The following IRAG1 variants were observed in gnomAD, a reference collection of about 807,000 sequenced individuals.
IRAG1 encodes the protein inositol 1,4,5-triphosphate receptor associated 1.
In IRAG1, 62 loss-of-function variants were observed where a neutral mutation model predicts 106.2. The observed-to-expected ratio is 0.58, with a 90% CI of 0.48 to 0.72. The LOEUF is 0.72. Among genes scored for constraint, IRAG1 ranks in the 30% least tolerant of loss-of-function variants. The pLI, the probability that IRAG1 is intolerant of heterozygous loss-of-function variation, is 0.00. For synonymous variants in IRAG1, 462 were observed against 443.9 expected (o/e 1.04, Z -0.51); for missense variants, 1,064 against 1,140.7 (o/e 0.93, Z 0.97).
chr11:10,630,940 G>T (rs1177366789), intron 4 of IRAG1, among the ~76,000 whole-genome samples: 1 of 152,332 alleles, frequency 6.6e-6, no homozygotes, highest in African/African-American at 2.4e-5. Flanking sequence ...ACAGGGATTG[G>T]CTCGGGGATG....
At chr11:10,640,480 G>T (rs756536210) in intron 2 of IRAG1, among the ~76,000 whole-genome samples, 1 of 152,184 alleles carries the variant, frequency 6.6e-6, no homozygotes, top group Non-Finnish European at 1.5e-5. Context: ...TGACAGAATC[G>T]TTGAGCAAGC....
Position 10,604,667 on chromosome 11 carries a change from A to G in IRAG1, c.1603-122T>C, listed in dbSNP as rs1252698874. On this transcript the variant is annotated intron_variant, in intron 12 of 20. Transcript: ENST00000423302. ...CCTGGAACAGCCGCCAAAGCACCAA[A>G]GCAGCCATGTGCAAGGGAAACGCTC... is the stretch of plus-strand genomic sequence containing the variant. 3 of 1,200,126 alleles carry G rather than the reference A, an allele frequency of 2.5e-6. No homozygotes were observed. In the African/African-American group the frequency reaches 4.6e-5, roughly 18 times the overall value. 74.3% of individuals were successfully genotyped at this position (1,200,126 alleles called of 1,614,324 possible). A position where few individuals can be genotyped will look rare whatever the true frequency, so the allele number is the denominator to read the frequency against.
intron 1 of IRAG1, among the ~76,000 whole-genome samples, chr11:10,661,704 C>T (rs1246528938): frequency 1.3e-5 from 2 of 152,218 alleles, no homozygotes; most frequent in Admixed American, 1.3e-4. Context: ...TGACTTTCAC[C>T]GTCCTGCCTC....
At chr11:10,586,368 G>C (rs1851989054) in intron 18 of IRAG1, among the ~76,000 whole-genome samples, 1 of 150,906 alleles carries the variant, frequency 6.6e-6, no homozygotes, top group African/African-American at 2.4e-5. Context: ...TGAAACCTTT[G>C]CTGGTGTTCT....
rs552584378 is a variant in IRAG1, at chr11:10,691,498, T to G, written c.67+2038A>C. 4.9e-4 allele frequency among the ~76,000 whole-genome samples: 75 copies of G among 152,270 alleles called. 2 individuals carry two copies. Among genetic ancestry groups the G allele is most frequent in the Middle Eastern group, 6.8e-3 (2 of 294 alleles). On this transcript the variant is annotated intron_variant, in intron 1 of 20. Transcript: ENST00000423302. ...TCCTCACACAGACCCACAGAACTCC[T>G]CATCCCCAAACCATGAGCCTCCTCA...
intron 1 of IRAG1, among the ~76,000 whole-genome samples, chr11:10,676,560 G>C (rs1278957169): frequency 6.6e-6 from 1 of 152,186 alleles, no homozygotes; most frequent in East Asian, 1.9e-4. Context: ...TCAGTTCGGT[G>C]ACTTCTGTTG....
At chr11:10,598,100 T>C (rs1487229428) in intron 15 of IRAG1, among the ~76,000 whole-genome samples, 1 of 152,202 alleles carries the variant, frequency 6.6e-6, no homozygotes, top group Non-Finnish European at 1.5e-5. Flanking sequence ...CATCTGAGGA[T>C]ATAGTCCTTG....
At chr11:10,577,272 C>T (rs530866399) in intron 20 of IRAG1, among the ~76,000 whole-genome samples, 2 of 152,224 alleles carry the variant, frequency 1.3e-5, no homozygotes, top group South Asian at 4.2e-4. Context: ...CTCCCTCTTC[C>T]TCCTCTTCTT....
intron 3 of IRAG1, among the ~76,000 whole-genome samples, chr11:10,632,911 C>T (rs1856811972): frequency 6.6e-6 from 1 of 152,230 alleles, no homozygotes. Flanking sequence ...TATTCCAGCA[C>T]TTTCCTCCCC....
intron 3 of IRAG1, among the ~76,000 whole-genome samples, chr11:10,633,712 G>C (rs139055986): frequency 2.6e-5 from 4 of 152,186 alleles, no homozygotes; most frequent in Admixed American, 1.3e-4. Flanking sequence ...TAGCCCTGCT[G>C]GGGGAGGAGG....
intron 1 of IRAG1, among the ~76,000 whole-genome samples, chr11:10,682,397 A>T (rs528360438): frequency 1.1e-4 from 17 of 152,220 alleles, no homozygotes; most frequent in Non-Finnish European, 2.4e-4. Context: ...TGATATAGGG[A>T]CAACTTGCCA....
chr11:10,633,114 G>T (rs183183941), intron 3 of IRAG1, among the ~76,000 whole-genome samples: 1 of 129,572 alleles, frequency 7.7e-6, no homozygotes, highest in Non-Finnish European at 1.6e-5. Flanking sequence ...TCGCACTGTC[G>T]CCCAGGCTGG....
intron 1 of IRAG1, chr11:10,658,427 G>T (rs1334770028): frequency 6.6e-6 from 1 of 152,366 alleles, no homozygotes; most frequent in Admixed American, 6.5e-5. Flanking sequence ...ATACATGCAA[G>T]GTGCTGGTAC....
At chr11:10,617,070 G>A in intron 10 of IRAG1, 1 of 985,320 alleles carries the variant, frequency 1.0e-6, no homozygotes, top group Middle Eastern at 5.2e-4. Flanking sequence ...CCTCTTTCCT[G>A]CCCAAGACCT....
At chr11:10,669,684 G>T (rs186634702) in intron 1 of IRAG1, among the ~76,000 whole-genome samples, 28 of 152,262 alleles carry the variant, frequency 1.8e-4, no homozygotes, top group Admixed American at 1.6e-3. Flanking sequence ...TCCCTTCCTT[G>T]AGCCTTTGGG....
At chr11:10,590,718 G>A (rs1275551537) in intron 18 of IRAG1, among the ~76,000 whole-genome samples, 1 of 152,194 alleles carries the variant, frequency 6.6e-6, no homozygotes, top group Non-Finnish European at 1.5e-5. Context: ...GAAACAGCCT[G>A]CCTTACTCTG....
chr11:10,648,499 A>C (rs528140315), intron 2 of IRAG1, among the ~76,000 whole-genome samples: 13 of 152,258 alleles, frequency 8.5e-5, no homozygotes, highest in African/African-American at 3.1e-4. Flanking sequence ...CGTTATAGAG[A>C]GCTTTGCCTG....
At chr11:10,631,904 G>A in intron 4 of IRAG1, 87 bp downstream of exon 4, 1 of 1,114,004 alleles carries the variant, frequency 9.0e-7, no homozygotes, top group Non-Finnish European at 1.4e-6. Flanking sequence ...GCGCCTTAAA[G>A]AGCAGGAGAG....
Position 10,657,325 on chromosome 11 carries a change from C to G in IRAG1, c.68-5143G>C, listed in dbSNP as rs1430753722. Among the ~76,000 whole-genome samples the G allele has an allele frequency of 6.6e-6, 1 of 152,198 alleles. No homozygotes were observed. The highest frequency in any genetic ancestry group is 1.5e-5 in the Non-Finnish European group (1 of 68,044). On this transcript the variant is annotated intron_variant, in intron 1 of 20. Coordinates refer to ENST00000423302, the MANE Select transcript of IRAG1 (RefSeq NM_130385.4). The surrounding 1 kb of genome is among the most constrained non-coding windows in gnomAD (Gnocchi z 4.1). Reference sequence around the variant, plus strand: ...TGCTGGGAATTCACCGAATCTGGGTCTGATGCTCCCCTTCCTTGCAGGGCC... The same window carrying G: ...TGCTGGGAATTCACCGAATCTGGGTGTGATGCTCCCCTTCCTTGCAGGGCC...
Sources: gnomAD v4.1 joint callset for allele counts (sites outside exome capture counted in the v4.1 genomes callset) on GRCh38, gnomAD v4.1.1 for gene constraint, Gnocchi (gnomAD v3.1) non-coding constraint, MANE v1.5 for transcripts, NCBI Gene and HGNC (gene_info 2026-07-23, HGNC 2026-07-21) for gene names.